The following YJU2B variants were observed in gnomAD, a reference collection of about 807,000 sequenced individuals.
YJU2B encodes probable splicing factor YJU2B.
Under a neutral mutation model 38.0 loss-of-function variants are expected in YJU2B, and 18 were observed. The observed-to-expected ratio is 0.47, with a 90% confidence interval of 0.33 to 0.70. YJU2B has a LOEUF of 0.70. Ranked by LOEUF, YJU2B falls within the 30% of genes least tolerant of loss-of-function variation. YJU2B has a pLI of 0.02. For missense variants in YJU2B, 538 were observed against 556.3 expected, an observed-to-expected ratio of 0.97 and a Z score of 0.33; for synonymous variants, 246 against 225.4, an observed-to-expected ratio of 1.09 and a Z score of -0.82.
chr19:13,763,055 C>G lies in YJU2B; in HGVS notation c.1178C>G (p.Ser393Trp), dbSNP rs749425586. The G allele has an allele frequency of 1.3e-6, 2 of 1,555,524 alleles. No homozygotes were observed. Among genetic ancestry groups the G allele is most frequent in the East Asian group, 4.5e-5 (2 of 44,340 alleles). The part of the protein sequence containing the change: ...GSSLVADYSD[S>W]ESE ...TCCCTCGTGGCGGACTACTCCGACT[C>G]GGAGAGTGAGTGAGCGATCCCCATC... The change falls in exon 10 of 10, where the codon TCG becomes TGG. Residue 393 changes from serine to tryptophan, a missense_variant. Physicochemically the swap from Ser to Trp is radical, Grantham distance 177. Transcript: ENST00000221554.
intron 3 of YJU2B, 46 bp downstream of exon 3, chr19:13,754,388 C>T (rs746327603): frequency 7.3e-6 from 11 of 1,496,722 alleles, no homozygotes; most frequent in African/African-American, 4.2e-5. Context: ...AAAAGACCCA[C>T]GTCATCCCCT....
chr19:13,756,839 C>T (rs554802341), intron 4 of YJU2B, among the ~76,000 whole-genome samples: 4 of 151,750 alleles, frequency 2.6e-5, no homozygotes, highest in South Asian at 4.2e-4. Context: ...AGGCTGGGTG[C>T]GGTGGCTCAC....
At chr19:13,758,408 T>C (rs1365293002) in intron 6 of YJU2B, among the ~76,000 whole-genome samples, 1 of 152,192 alleles carries the variant, frequency 6.6e-6, no homozygotes, top group Admixed American at 6.6e-5. Context: ...GCAGCCTGTC[T>C]TGGGCGGGTT....
chr19:13,731,841 G>A (rs1438197719), exon 1 of YJU2B: 2 of 152,254 alleles, frequency 1.3e-5, no homozygotes, highest in African/African-American at 4.8e-5. Flanking sequence ...AGGATCCGAG[G>A]GGGCCAAGAG....
intron 4 of YJU2B, among the ~76,000 whole-genome samples, chr19:13,756,636 T>C (rs1046354870): frequency 2.0e-5 from 3 of 152,110 alleles, no homozygotes; most frequent in Non-Finnish European, 2.9e-5. Flanking sequence ...TATCTCAACC[T>C]GTAGCAGGCC....
At chr19:13,757,923 C>CG in intron 6 of YJU2B, 77 bp downstream of exon 6, 2 of 1,280,140 alleles carry the variant, frequency 1.6e-6, no homozygotes, top group Non-Finnish European at 1.1e-6. Flanking sequence ...GCCTGAGTTG[C>CG]GGGGGGAACC....
chr19:13,760,846 C>T (rs567017126), intron 8 of YJU2B, among the ~76,000 whole-genome samples: 1 of 152,164 alleles, frequency 6.6e-6, no homozygotes, highest in Non-Finnish European at 1.5e-5. Context: ...TCCCGGCTCA[C>T]TGAAGCCTCC....
rs1298454603 is a variant in YJU2B at position 13,762,799 on chromosome 19, C to CG, written c.922_923insG (p.Gln308ArgfsTer35). On this transcript the variant is annotated frameshift_variant, in exon 10 of 10. Coordinates refer to ENST00000221554, the MANE Select transcript of YJU2B (RefSeq NM_030818.4). LOFTEE classifies it low-confidence loss of function (END_TRUNC). ...GTCTCGGGACGTCCCGGAGAGCCCC[C>CG]AGCATGCGGCCGACACCCCCAAGTC... 1.2e-6 allele frequency: 2 copies of CG among 1,602,718 alleles called. No individual in the cohort carries two copies. Among genetic ancestry groups the CG allele is most frequent in the South Asian group, 2.2e-5 (2 of 89,812 alleles).
chr19:13,734,777 G>T (rs550383751), intron 2 of YJU2B, among the ~76,000 whole-genome samples: 1 of 151,212 alleles, frequency 6.6e-6, no homozygotes, highest in South Asian at 2.1e-4. Context: ...TTTTAGTTTT[G>T]GTTCTGTTTT....
intron 6 of YJU2B, among the ~76,000 whole-genome samples, chr19:13,758,218 G>A (rs1334236405): frequency 2.0e-5 from 3 of 152,126 alleles, no homozygotes; most frequent in African/African-American, 2.4e-5. Flanking sequence ...TCCCTCACCC[G>A]GGGTTTCTGC....
At chr19:13,750,205 A>G (rs1021827398) in intron 1 of YJU2B, among the ~76,000 whole-genome samples, 9 of 152,076 alleles carry the variant, frequency 5.9e-5, no homozygotes, top group Admixed American at 2.0e-4. Flanking sequence ...TATGGATTGG[A>G]TGGTTAGATG....
At chr19:13,756,619 C>G (rs1330278763) in intron 4 of YJU2B, among the ~76,000 whole-genome samples, 2 of 152,060 alleles carry the variant, frequency 1.3e-5, no homozygotes, top group South Asian at 2.1e-4. Context: ...GGCTCTGCTC[C>G]GTGTTGTATC....
rs147353975 is a variant in YJU2B at position 13,735,823 on chromosome 19, C to A, written c.-202+3538C>A. On this transcript the variant is annotated intron_variant, in intron 2 of 10. Coordinates refer to the YJU2B transcript ENST00000586600. ...ATCCCAGCACTTTGGGAAGCCAAGG[C>A]GGGCGGATCACGAGGTCAGGAGATC... Among the ~76,000 whole-genome samples, 617 of 152,070 alleles carry A rather than the reference C, an allele frequency of 4.1e-3. 3 individuals are homozygous for A. Among genetic ancestry groups the A allele is most frequent in the African/African-American group, 0.014 (575 of 41,432 alleles).
exon 2 of YJU2B, chr19:13,732,204 G>C (rs1337751635): frequency 6.6e-6 from 1 of 152,242 alleles, no homozygotes; most frequent in Non-Finnish European, 1.5e-5. Context: ...GAAAAGTTAT[G>C]ACTCGCCCCA....
At chr19:13,761,498 C>T (rs1408610471) in intron 8 of YJU2B, 2 of 152,618 alleles carry the variant, frequency 1.3e-5, no homozygotes, top group African/African-American at 4.8e-5. Flanking sequence ...TAGAGGCCAG[C>T]TCCACCAGGG....
chr19:13,734,665 T>C (rs958903464), intron 2 of YJU2B, among the ~76,000 whole-genome samples: 1 of 152,164 alleles, frequency 6.6e-6, no homozygotes, highest in Non-Finnish European at 1.5e-5. Context: ...CATAGCTCAC[T>C]GCAGCCTCAA....
At chr19:13,752,547 T>C (rs552233809) in intron 2 of YJU2B, among the ~76,000 whole-genome samples, 24 of 152,040 alleles carry the variant, frequency 1.6e-4, no homozygotes, top group African/African-American at 5.5e-4. Context: ...AGTTTGAGAC[T>C]ACCCTGGCCA....
chr19:13,733,995 A>G (rs1972883503), intron 2 of YJU2B, among the ~76,000 whole-genome samples: 1 of 152,112 alleles, frequency 6.6e-6, no homozygotes, highest in African/African-American at 2.4e-5. Flanking sequence ...TGGTGCAATC[A>G]TGACTCACTG....
intron 1 of YJU2B, chr19:13,732,145 G>A (rs1459704754): frequency 1.3e-5 from 2 of 152,244 alleles, no homozygotes; most frequent in Non-Finnish European, 1.5e-5. Flanking sequence ...AACAGCCCGA[G>A]GAAGTATTAT....
Sources: allele counts gnomAD v4.1 joint callset (sites outside exome capture counted in the v4.1 genomes callset), GRCh38; gene constraint gnomAD v4.1.1; transcripts MANE v1.5; gene names NCBI Gene and HGNC (gene_info 2026-07-23, HGNC 2026-07-21).